Variants in TUBGCP5 observed in about 807,000 individuals in gnomAD.
The protein encoded by TUBGCP5 is tubulin gamma complex component 5.
Under a neutral mutation model 134.7 loss-of-function variants are expected in TUBGCP5, and 98 were observed. The observed-to-expected ratio is 0.73, with a 90% CI of 0.62 to 0.86. TUBGCP5 has a LOEUF of 0.86. Ranked by LOEUF, TUBGCP5 falls within the 40% of genes least tolerant of loss-of-function variation. The pLI, the probability that TUBGCP5 is intolerant of heterozygous loss-of-function variation, is 0.00. For synonymous variants in TUBGCP5, 456 were observed against 431.4 expected (o/e 1.06, Z -0.71); for missense variants, 1,150 against 1,244.8 (o/e 0.92, Z 1.15).
chr15:23,005,384 C>T lies in TUBGCP5; in HGVS notation c.2712+48G>A, dbSNP rs758639289. Reference sequence around the variant, plus strand: ...AGTATGAGTAATTCTCTACGAACAACTGTATAGATACGACGATAGAACTGA... The same window carrying T: ...AGTATGAGTAATTCTCTACGAACAATTGTATAGATACGACGATAGAACTGA... On this transcript the variant is annotated intron_variant, in intron 19 of 22. Transcript: ENST00000615383. The T allele has an allele frequency of 2.5e-6, 4 of 1,589,776 alleles. No homozygotes were observed. The East Asian group carries it at 6.7e-5, about 27-fold the overall frequency.
Position 23,024,804 on chromosome 15 carries a change from A to T in TUBGCP5, c.854T>A (p.Phe285Tyr). 1 of 1,597,884 alleles carries T rather than the reference A, an allele frequency of 6.3e-7. No individual in the cohort carries two copies. The highest frequency in any genetic ancestry group is 8.6e-7 in the Non-Finnish European group (1 of 1,169,388). ...LWLLSGVKKLFIFQLIDGKVT... is the reference protein window; with the variant it reads ...LWLLSGVKKLYIFQLIDGKVT... ...CTTCCCATCTATCAACTGAAATATA[A>T]AGAGCTTTTTCACTCCTGAAAGTAA... is the stretch of plus-strand genomic sequence containing the variant. Residue 285 changes from phenylalanine to tyrosine, a missense_variant, in exon 9 of 23, where the codon TTT becomes TAT. Phe to Tyr is a conservative substitution (Grantham distance 22, BLOSUM62 3). Coordinates refer to ENST00000615383, the MANE Select transcript of TUBGCP5 (RefSeq NM_052903.6).
intron 19 of TUBGCP5, chr15:23,004,432 C>A (rs2064581435): frequency 1.8e-6 from 1 of 550,612 alleles, no homozygotes; most frequent in South Asian, 2.6e-5. Context: ...GGGGGCAATC[C>A]TGTAGGACGC....
intron 16 of TUBGCP5, among the ~76,000 whole-genome samples, chr15:23,008,275 C>CT (rs2064839248): frequency 1.3e-5 from 2 of 151,282 alleles, no homozygotes; most frequent in East Asian, 1.9e-4. Context: ...TCAATTTTTT[C>CT]TTTTTTTTTA....
chr15:23,039,544 G>T lies in TUBGCP5; in HGVS notation c.-1C>A. The T allele has an allele frequency of 1.4e-6, 2 of 1,453,204 alleles. No homozygotes were observed. Among genetic ancestry groups the T allele is most frequent in the Non-Finnish European group, 1.8e-6 (2 of 1,088,008 alleles). The allele number at this position is 1,453,204 out of a possible 1,614,324, so 90.0% of individuals were successfully genotyped here. ...TCCACGGTGGCCCGTGCCGCGCCAT[G>T]TTCCGCGCTCCTGCAGCGCGCGTCT... is the stretch of plus-strand genomic sequence containing the variant. On this transcript the variant is annotated 5_prime_UTR_variant, in exon 1 of 23. Transcript: ENST00000615383.
chr15:23,020,956 G>A (rs1256727384), intron 11 of TUBGCP5, among the ~76,000 whole-genome samples: 1 of 151,998 alleles, frequency 6.6e-6, no homozygotes, highest in Non-Finnish European at 1.5e-5. Flanking sequence ...GTGTAGTGGT[G>A]CGATCTCGGC....
chr15:23,029,063 T>C (rs915417476), intron 6 of TUBGCP5, among the ~76,000 whole-genome samples: 1 of 151,822 alleles, frequency 6.6e-6, no homozygotes, highest in Non-Finnish European at 1.5e-5. Context: ...AATTAACAAA[T>C]GAACACTCAA....
chr15:23,000,488 G>T, intron 22 of TUBGCP5, 81 bp downstream of exon 22: 1 of 1,548,980 alleles, frequency 6.5e-7, no homozygotes, highest in Non-Finnish European at 8.7e-7. Context: ...ATTCTTCATG[G>T]GATCAGTAAC....
At chr15:23,036,841 T>A in intron 3 of TUBGCP5, 56 bp downstream of exon 3, 4 of 1,163,818 alleles carry the variant, frequency 3.4e-6, no homozygotes, top group Non-Finnish European at 5.1e-6. Context: ...AAATTGACGA[T>A]AATCAGATAG....
In TUBGCP5 at chr15:23,024,221, C is replaced by G. The variant is rs1034653878; in HGVS notation, c.922-28G>C. Reference sequence around the variant, plus strand: ...ACAACACAAGCAAACTGCAATTATTCAAAGGTGGTCTTCTGTAAACATTCA... The same window carrying G: ...ACAACACAAGCAAACTGCAATTATTGAAAGGTGGTCTTCTGTAAACATTCA... On this transcript the variant is annotated intron_variant, in intron 9 of 22. Transcript: ENST00000615383. The G allele has an allele frequency of 1.9e-6, 3 of 1,604,076 alleles. No homozygotes were observed. In the African/African-American group the frequency reaches 4.0e-5, roughly 21 times the overall value.
At chr15:23,000,528 G>A (rs1284922697) in intron 22 of TUBGCP5, 41 bp downstream of exon 22, 3 of 1,598,692 alleles carry the variant, frequency 1.9e-6, no homozygotes, top group Non-Finnish European at 2.6e-6. Context: ...TTAGTTACAA[G>A]GAAATACAGA....
At chr15:23,002,497 C>T (rs146942136) in intron 21 of TUBGCP5, among the ~76,000 whole-genome samples, 8 of 152,318 alleles carry the variant, frequency 5.3e-5, no homozygotes, top group East Asian at 1.9e-4. Flanking sequence ...GCTCCCGGGC[C>T]ACTTCCCCTG....
intron 10 of TUBGCP5, chr15:23,023,210 T>G (rs1352228951): frequency 6.6e-6 from 1 of 151,922 alleles, no homozygotes; most frequent in African/African-American, 2.4e-5. Flanking sequence ...CAGGTGCCTG[T>G]AATCAGTTAC....
intron 16 of TUBGCP5, among the ~76,000 whole-genome samples, chr15:23,007,461 AAATACT>A (rs1177840229): frequency 6.6e-5 from 10 of 152,186 alleles, no homozygotes; most frequent in Admixed American, 6.5e-4. Flanking sequence ...GGCATCTACC[AAATACT>A]AATACTAAGT....
chr15:23,020,815 T>A (rs1013476427), intron 11 of TUBGCP5, among the ~76,000 whole-genome samples: 1 of 152,144 alleles, frequency 6.6e-6, no homozygotes, highest in Non-Finnish European at 1.5e-5. Flanking sequence ...CATGGCTCAC[T>A]GCAGCCTTGA....
intron 10 of TUBGCP5, 43 bp from the exon 11 acceptor site, chr15:23,022,204 C>T (rs1226423548): frequency 2.5e-6 from 4 of 1,590,446 alleles, no homozygotes; most frequent in Non-Finnish European, 2.6e-6. Context: ...AGGAAAAATA[C>T]ATGCATCTAA....
In TUBGCP5 at chr15:22,999,836, C is replaced by G. The variant is rs1595810516; in HGVS notation, c.3059G>C (p.Gly1020Ala). The change falls in exon 23 of 23, where the codon GGC becomes GCC. Residue 1020 changes from glycine to alanine, a missense_variant. Physicochemically the swap from Gly to Ala is moderately conservative, Grantham distance 60 (BLOSUM62 0). Around this residue, in one of 2 missense-constraint regions of TUBGCP5, gnomAD observed 697 missense variants for 850.1 expected, o/e 0.82. Coordinates refer to ENST00000615383, the MANE Select transcript of TUBGCP5 (RefSeq NM_052903.6). ...TGAAGACATTTAACTTTGTTCCATG[C>G]CAGCCATGAGTGACAACGCTAGAGA... ...LESLALSLMAGMEQS is the reference protein window; with the variant it reads ...LESLALSLMAAMEQS 1 of 1,613,798 alleles carries G rather than the reference C, an allele frequency of 6.2e-7. No individual in the cohort carries two copies. The highest frequency in any genetic ancestry group is 8.5e-7 in the Non-Finnish European group (1 of 1,179,778).
downstream of TUBGCP5, among the ~76,000 whole-genome samples, chr15:22,995,580 A>AC (rs2064030993): frequency 6.6e-6 from 1 of 151,656 alleles, no homozygotes; most frequent in African/African-American, 2.4e-5. Context: ...GTCTCAAAAA[A>AC]AAAAAAAAAC....
At chr15:23,001,106 G>A (rs936555167) in intron 21 of TUBGCP5, among the ~76,000 whole-genome samples, 6 of 152,242 alleles carry the variant, frequency 3.9e-5, no homozygotes, top group Admixed American at 6.5e-5. Context: ...GCAGTGGCAC[G>A]ATCTCGGCTC....
At position 23,009,904 on chromosome 15, in the gene TUBGCP5, A is replaced by C. The variant is rs532835700; in HGVS notation, c.2144+41T>G. 59 of 1,567,280 alleles carry C rather than the reference A, an allele frequency of 3.8e-5. 1 individual carries two copies. The South Asian group carries it at 6.2e-4, about 16-fold the overall frequency. Reference sequence around the variant, plus strand: ...TAATCTCAACTGTTCTTCAAGTACAATCAACTATTTACTACTTCCAAAATT... The same window carrying C: ...TAATCTCAACTGTTCTTCAAGTACACTCAACTATTTACTACTTCCAAAATT... On this transcript the variant is annotated intron_variant, in intron 15 of 22. Transcript: ENST00000615383.
Sources: allele counts gnomAD v4.1 joint callset (sites outside exome capture counted in the v4.1 genomes callset), GRCh38; gene constraint gnomAD v4.1.1; regional missense constraint gnomAD v4.1.1; transcripts MANE v1.5; gene names NCBI Gene and HGNC (gene_info 2026-07-23, HGNC 2026-07-21).